The following CYYR1 variants were observed in gnomAD, a reference collection of about 807,000 sequenced individuals.
CYYR1 encodes cysteine and tyrosine-rich protein 1.
A neutral mutation model predicts 15.2 loss-of-function variants in CYYR1; 14 were observed. The observed-to-expected ratio is 0.92, with a 90% CI of 0.61 to 1.44. The LOEUF (loss-of-function observed/expected upper bound fraction) is 1.44, where lower values mean the gene tolerates loss of function less well. Ranked by LOEUF, CYYR1 falls within the 40% of genes most tolerant of loss-of-function variation. The probability of loss-of-function intolerance (pLI) is 0.00; values close to 1 mark genes in which losing one functional copy is unlikely to be tolerated. For missense variants in CYYR1, 228 were observed against 209.5 expected (o/e 1.09, Z -0.54); for synonymous variants, 80 against 77.4 (o/e 1.03, Z -0.18).
chr21:26,491,372 C>G (rs1290487418), intron 2 of CYYR1, among the ~76,000 whole-genome samples: 5 of 152,070 alleles, frequency 3.3e-5, no homozygotes, highest in Non-Finnish European at 5.9e-5. Flanking sequence ...AACTCACAAA[C>G]TGGTTTTTTA....
chr21:26,478,178 A>G, intron 3 of CYYR1: 1 of 1,547,316 alleles, frequency 6.5e-7, no homozygotes, highest in Non-Finnish European at 8.7e-7. Flanking sequence ...CATAATGATT[A>G]GCTAAACTAT....
At chr21:26,542,878 G>A (rs1388200465) in intron 2 of CYYR1, among the ~76,000 whole-genome samples, 1 of 152,130 alleles carries the variant, frequency 6.6e-6, no homozygotes, top group Admixed American at 6.5e-5. Context: ...ATGTATTAGG[G>A]TGTTAAGAAG....
intron 2 of CYYR1, chr21:26,564,572 A>G (rs1215253196): frequency 2.2e-5 from 15 of 667,596 alleles, no homozygotes; most frequent in Non-Finnish European, 2.8e-5. Flanking sequence ...ACTTCACTGC[A>G]AATGTAAATC....
chr21:26,469,257 G>A (rs1289774716), intron 3 of CYYR1, among the ~76,000 whole-genome samples: 1 of 152,124 alleles, frequency 6.6e-6, no homozygotes, highest in Non-Finnish European at 1.5e-5. Flanking sequence ...TGGAGAAAGA[G>A]AGGAGAAAGT....
At position 26,572,937 on chromosome 21, in the gene CYYR1, C is replaced by T. The variant is rs146452127; in HGVS notation, c.4G>A (p.Asp2Asn). 3.0e-4 allele frequency: 481 copies of T among 1,613,650 alleles called. 4 individuals carry two copies. The African/African-American group carries it at 4.9e-3, about 16-fold the overall frequency. ...GGACGCACGGGTAGCCTCGGAGCGT[C>T]CATCCAAGCCGGTGGCCTGAGGCTT... MDAPRLPVRPGV... is the reference protein window; with the variant it reads MNAPRLPVRPGV... Residue 2 changes from aspartate to asparagine, a missense_variant, in exon 1 of 4, where the codon GAC becomes AAC. Transcript: ENST00000652641.
intron 3 of CYYR1, among the ~76,000 whole-genome samples, chr21:26,469,020 T>A (rs2065002024): frequency 6.6e-6 from 1 of 152,148 alleles, no homozygotes; most frequent in African/African-American, 2.4e-5. Context: ...GGGCTCTGAA[T>A]GCAATGTAGA....
At chr21:26,570,970 T>C (rs1327295129) in intron 1 of CYYR1, among the ~76,000 whole-genome samples, 1 of 152,238 alleles carries the variant, frequency 6.6e-6, no homozygotes, top group African/African-American at 2.4e-5. Flanking sequence ...CAAATACTGA[T>C]TGATCTTTTT....
chr21:26,501,899 T>C (rs1303681668), intron 2 of CYYR1, among the ~76,000 whole-genome samples: 3 of 152,200 alleles, frequency 2.0e-5, no homozygotes, highest in Non-Finnish European at 4.4e-5. Flanking sequence ...GATAAGTATA[T>C]CTTAATGAAT....
At chr21:26,546,794 G>T (rs951805563) in intron 2 of CYYR1, among the ~76,000 whole-genome samples, 2 of 152,114 alleles carry the variant, frequency 1.3e-5, no homozygotes, top group African/African-American at 4.8e-5. Flanking sequence ...TATTAACGTC[G>T]GGATAGATTC....
At position 26,569,681 on chromosome 21, in the gene CYYR1, C is replaced by A. The variant is rs149506433; in HGVS notation, c.73+3187G>T. Among the ~76,000 whole-genome samples, 1,397 of 152,324 alleles carry A rather than the reference C, an allele frequency of 9.2e-3. 7 individuals are homozygous for A. Among genetic ancestry groups the A allele is most frequent in the Non-Finnish European group, 0.015 (1,040 of 68,012 alleles). On this transcript the variant is annotated intron_variant, in intron 1 of 3. Transcript: ENST00000652641. ...TCCCCACTATTCCGTCAGAGTAGGA[C>A]AACCAATGTGTAAGTAACGTCATGG... is the stretch of plus-strand genomic sequence containing the variant.
At chr21:26,565,730 T>C (rs931110121) in intron 2 of CYYR1, among the ~76,000 whole-genome samples, 1 of 152,254 alleles carries the variant, frequency 6.6e-6, no homozygotes, top group African/African-American at 2.4e-5. Flanking sequence ...GCATTACTCA[T>C]ACCTAGCTTG....
chr21:26,488,973 C>T (rs530775560), intron 2 of CYYR1, among the ~76,000 whole-genome samples: 1 of 152,236 alleles, frequency 6.6e-6, no homozygotes, highest in African/African-American at 2.4e-5. Context: ...ATATGCTACC[C>T]AACCTAATCT....
intron 3 of CYYR1, among the ~76,000 whole-genome samples, chr21:26,473,221 C>A (rs562623196): frequency 6.6e-6 from 1 of 151,966 alleles, no homozygotes; most frequent in Non-Finnish European, 1.5e-5. Flanking sequence ...TTGCTCATTG[C>A]AAACCTTCTC....
intron 2 of CYYR1, among the ~76,000 whole-genome samples, chr21:26,534,882 T>C (rs1014797351): frequency 1.3e-5 from 2 of 152,186 alleles, no homozygotes; most frequent in African/African-American, 4.8e-5. Context: ...GGTACTGTAA[T>C]AGTTGTATGT....
intron 2 of CYYR1, chr21:26,506,637 T>C (rs2065568952): frequency 6.6e-6 from 1 of 152,216 alleles, no homozygotes; most frequent in South Asian, 2.1e-4. Flanking sequence ...TCCATGTGTT[T>C]CCATCATCAG....
chr21:26,552,782 T>C (rs2123689363), intron 2 of CYYR1, among the ~76,000 whole-genome samples: 2 of 152,238 alleles, frequency 1.3e-5, no homozygotes, highest in Admixed American at 1.3e-4. Flanking sequence ...CATTAACCTT[T>C]CCCCTCCTGT....
At chr21:26,498,079 A>T (rs147419522) in intron 2 of CYYR1, among the ~76,000 whole-genome samples, 1 of 152,150 alleles carries the variant, frequency 6.6e-6, no homozygotes, top group East Asian at 1.9e-4. Context: ...AGAGTGAGGA[A>T]CACATCTCTT....
intron 3 of CYYR1, 75 bp downstream of exon 3, chr21:26,480,197 A>G: frequency 7.0e-7 from 1 of 1,420,416 alleles, no homozygotes; most frequent in Non-Finnish European, 9.5e-7. Context: ...ACCATCTAGA[A>G]TGTTTCCTTC....
chr21:26,557,824 C>CAGT (rs71773037), intron 2 of CYYR1, among the ~76,000 whole-genome samples: 243 of 53,276 alleles, frequency 4.6e-3, no homozygotes, highest in Admixed American at 0.023. Context: ...TCATACCCTA[C>CAGT]AGGCTTTTCC....
Sources: gnomAD v4.1 joint callset for allele counts (sites outside exome capture counted in the v4.1 genomes callset) on GRCh38, gnomAD v4.1.1 for gene constraint, MANE v1.5 for transcripts, NCBI Gene and HGNC (gene_info 2026-07-23, HGNC 2026-07-21) for gene names.